Variants in ASPRV1 observed in about 807,000 individuals in gnomAD.
ASPRV1 encodes the protein retroviral-like aspartic protease 1.
A neutral mutation model predicts 11.0 loss-of-function variants in ASPRV1; 7 were observed. The ratio of observed to expected loss-of-function variants is 0.64; its 90% confidence interval spans 0.36 to 1.20. The LOEUF is 1.20. Among genes scored for constraint, ASPRV1 ranks in the 50% most tolerant of loss-of-function variants. ASPRV1 has a pLI of 0.02. For missense variants in ASPRV1, 299 were observed against 320.0 expected (o/e 0.93, Z 0.50); for synonymous variants, 136 against 138.4 (o/e 0.98, Z 0.12).
At chr2:69,996,180 C>A in the ASPRV1 span, among the ~76,000 whole-genome samples, 1 of 140,370 alleles carries the variant, frequency 7.1e-6, no homozygotes, top group African/African-American at 2.7e-5. Context: ...GAGTTTGAGA[C>A]CAGCCTGGGC....
the ASPRV1 span, chr2:70,086,527 A>C: frequency 6.6e-6 from 1 of 152,184 alleles, no homozygotes; most frequent in African/African-American, 2.4e-5. Flanking sequence ...GCCCCCCTTG[A>C]GCCTGGCGCA....
upstream of ASPRV1, among the ~76,000 whole-genome samples, chr2:69,965,779 G>A (rs1678319807): frequency 6.6e-6 from 1 of 152,304 alleles, no homozygotes; most frequent in African/African-American, 2.4e-5. Flanking sequence ...GGGCAGGACA[G>A]CTTGACCTTG....
chr2:70,034,209 G>T, the ASPRV1 span, among the ~76,000 whole-genome samples: 132 of 150,010 alleles, frequency 8.8e-4, no homozygotes, highest in East Asian at 0.025. Context: ...TAAGACACTG[G>T]CTATCTTTTA....
At chr2:69,992,929 C>G in the ASPRV1 span, among the ~76,000 whole-genome samples, 6 of 152,222 alleles carry the variant, frequency 3.9e-5, no homozygotes, top group Non-Finnish European at 8.8e-5. Context: ...GCCCCACTGC[C>G]TTCTACTAGA....
the ASPRV1 span, among the ~76,000 whole-genome samples, chr2:69,981,586 T>C: frequency 6.6e-6 from 1 of 152,238 alleles, no homozygotes; most frequent in East Asian, 1.9e-4. Flanking sequence ...GGATGGAGTC[T>C]TACTCTGTTA....
At chr2:70,084,601 G>A in the ASPRV1 span, among the ~76,000 whole-genome samples, 2 of 152,030 alleles carry the variant, frequency 1.3e-5, no homozygotes, top group African/African-American at 4.8e-5. Context: ...CTTATTAATG[G>A]GTTTTTAATC....
chr2:70,086,226 ATT>A, the ASPRV1 span: 1 of 152,000 alleles, frequency 6.6e-6, no homozygotes, highest in African/African-American at 2.4e-5. Context: ...GCCGACCCCA[ATT>A]TCTCGTTGGC....
chr2:69,967,397 G>C, the ASPRV1 span, among the ~76,000 whole-genome samples: 17 of 152,252 alleles, frequency 1.1e-4, no homozygotes, highest in South Asian at 3.5e-3. Context: ...AATATTACAG[G>C]GGAAACATGC....
the ASPRV1 span, among the ~76,000 whole-genome samples, chr2:70,005,521 T>C: frequency 6.6e-6 from 1 of 152,218 alleles, no homozygotes; most frequent in East Asian, 1.9e-4. Flanking sequence ...ATTAACTTCT[T>C]TTATCTTAAT....
At chr2:70,074,115 CAG>C in the ASPRV1 span, among the ~76,000 whole-genome samples, 1 of 89,312 alleles carries the variant, frequency 1.1e-5, no homozygotes, top group Non-Finnish European at 1.9e-5. Flanking sequence ...GCCCGGGCGA[CAG>C]AGCAAAACTT....
chr2:69,963,992 C>T (rs1198563613), upstream of ASPRV1, among the ~76,000 whole-genome samples: 1 of 152,154 alleles, frequency 6.6e-6, no homozygotes, highest in Non-Finnish European at 1.5e-5. Flanking sequence ...CCAATTGGTA[C>T]TTGAAATCAG....
the ASPRV1 span, among the ~76,000 whole-genome samples, chr2:70,032,553 G>A: frequency 4.0e-3 from 611 of 151,964 alleles, 1 homozygote; most frequent in African/African-American, 0.014. Flanking sequence ...AGCTACTCAA[G>A]AGGCTGAGGC....
the ASPRV1 span, chr2:70,073,215 T>C: frequency 6.6e-6 from 1 of 152,158 alleles, no homozygotes; most frequent in Non-Finnish European, 1.5e-5. Flanking sequence ...TTCCTGTAAT[T>C]GGATGGCAGG....
chr2:70,084,688 T>G, the ASPRV1 span, among the ~76,000 whole-genome samples: 1,138 of 152,320 alleles, frequency 7.5e-3, 7 homozygotes, highest in Non-Finnish European at 0.013. Flanking sequence ...TAACAAATAT[T>G]GTTTTGCAAA....
chr2:70,061,717 G>A, the ASPRV1 span, among the ~76,000 whole-genome samples: 1 of 152,170 alleles, frequency 6.6e-6, no homozygotes, highest in African/African-American at 2.4e-5. Context: ...CACTTTGGGA[G>A]GCAAGTGGAT....
the ASPRV1 span, chr2:69,975,601 TG>T: frequency 6.6e-6 from 1 of 152,412 alleles, no homozygotes; most frequent in African/African-American, 2.4e-5. Flanking sequence ...CCTGTGGTTC[TG>T]TGGCTTCACC....
At chr2:70,074,151 A>AC in the ASPRV1 span, among the ~76,000 whole-genome samples, 7 of 150,072 alleles carry the variant, frequency 4.7e-5, no homozygotes, top group African/African-American at 1.7e-4. Context: ...AAAAAAAAAA[A>AC]AAAAAAAAAC....
chr2:70,061,665 G>C, the ASPRV1 span, among the ~76,000 whole-genome samples: 1 of 151,880 alleles, frequency 6.6e-6, no homozygotes, highest in Non-Finnish European at 1.5e-5. Flanking sequence ...TCTAAATATG[G>C]TCTGGAGGAC....
chr2:70,066,165 G>A, the ASPRV1 span, among the ~76,000 whole-genome samples: 1 of 152,040 alleles, frequency 6.6e-6, no homozygotes, highest in Non-Finnish European at 1.5e-5. Flanking sequence ...CCGAAATCAT[G>A]CTATTGCACT....
Sources: allele counts gnomAD v4.1 joint callset (sites outside exome capture counted in the v4.1 genomes callset), GRCh38; gene constraint gnomAD v4.1.1; transcripts MANE v1.5; gene names NCBI Gene and HGNC (gene_info 2026-07-23, HGNC 2026-07-21).